FGF12: variants seen among roughly 807,000 people sequenced by gnomAD.
FGF12 encodes the protein fibroblast growth factor 12.
A neutral mutation model predicts 23.6 loss-of-function variants in FGF12; 14 were observed. The observed-to-expected ratio is 0.59, with a 90% CI of 0.39 to 0.93. The LOEUF is 0.93. FGF12 is among the 40% of genes least tolerant of loss of function. The pLI, the probability that FGF12 is intolerant of heterozygous loss-of-function variation, is 0.00. For missense variants in FGF12, 175 were observed against 217.8 expected (o/e 0.80, Z 1.24); for synonymous variants, 62 against 77.3 (o/e 0.80, Z 1.04).
At chr3:192,219,376 C>A (rs772380225) in intron 4 of FGF12, among the ~76,000 whole-genome samples, 2 of 151,650 alleles carry the variant, frequency 1.3e-5, no homozygotes, top group East Asian at 2.0e-4. Flanking sequence ...TGAGCCACTG[C>A]GCCAGGTCAT....
intron 4 of FGF12, among the ~76,000 whole-genome samples, chr3:192,171,354 T>A (rs975862381): frequency 3.3e-5 from 5 of 151,982 alleles, no homozygotes; most frequent in Admixed American, 6.5e-5. Context: ...ATCCTGTACT[T>A]CAACTCCAGC....
At chr3:192,361,399 A>G (rs1718721311) in intron 2 of FGF12, among the ~76,000 whole-genome samples, 1 of 152,076 alleles carries the variant, frequency 6.6e-6, no homozygotes, top group Non-Finnish European at 1.5e-5. Flanking sequence ...TTTTGTCTCT[A>G]TTGTTGAGCA....
chr3:192,619,152 T>A (rs1490489839), intron 2 of FGF12, among the ~76,000 whole-genome samples: 1 of 152,016 alleles, frequency 6.6e-6, no homozygotes, highest in African/African-American at 2.4e-5. Context: ...AGCATGTTAT[T>A]AGATTTTTTA....
intron 2 of FGF12, chr3:192,521,197 G>C (rs1653941081): frequency 6.6e-6 from 1 of 152,140 alleles, no homozygotes; most frequent in Non-Finnish European, 1.5e-5. Context: ...ATGTCAGTGT[G>C]ATTGTAATGT....
intron 2 of FGF12, among the ~76,000 whole-genome samples, chr3:192,681,717 C>A (rs1338738636): frequency 1.3e-5 from 2 of 151,668 alleles, no homozygotes; most frequent in East Asian, 3.9e-4. Flanking sequence ...AAGGAAATAT[C>A]TTTATTCTTG....
intron 4 of FGF12, among the ~76,000 whole-genome samples, chr3:192,174,070 G>A (rs117648584): frequency 7.9e-5 from 12 of 152,274 alleles, no homozygotes; most frequent in South Asian, 6.2e-4. Flanking sequence ...TACTGCATAC[G>A]CAATCCTGCT....
chr3:192,305,837 C>T (rs116527313), intron 4 of FGF12, among the ~76,000 whole-genome samples: 2,735 of 145,792 alleles, frequency 0.019, 52 homozygotes, highest in Non-Finnish European at 0.029. Context: ...AATGACACTG[C>T]TCAATCCATC....
intron 2 of FGF12, among the ~76,000 whole-genome samples, chr3:192,391,664 A>T (rs1052814615): frequency 1.1e-4 from 17 of 152,230 alleles, no homozygotes; most frequent in Admixed American, 2.6e-4. Context: ...CCTATATGAA[A>T]TACAGTTTCA....
intron 2 of FGF12, among the ~76,000 whole-genome samples, chr3:192,598,569 C>T (rs1713963318): frequency 6.6e-6 from 1 of 152,142 alleles, no homozygotes; most frequent in South Asian, 2.1e-4. Flanking sequence ...TTCTCAAACA[C>T]ACATATCTCA....
At chr3:192,601,104 A>G (rs1300760134) in intron 2 of FGF12, among the ~76,000 whole-genome samples, 1 of 152,178 alleles carries the variant, frequency 6.6e-6, no homozygotes, top group African/African-American at 2.4e-5. Context: ...ACACAACGAA[A>G]TACCATTCAG....
At chr3:192,283,522 A>G (rs1486918133) in intron 4 of FGF12, among the ~76,000 whole-genome samples, 1 of 152,088 alleles carries the variant, frequency 6.6e-6, no homozygotes, top group Non-Finnish European at 1.5e-5. Flanking sequence ...ATAGGATTTC[A>G]GTTTTTAGGA....
At chr3:192,261,010 C>T (rs141065181) in intron 4 of FGF12, among the ~76,000 whole-genome samples, 78 of 152,068 alleles carry the variant, frequency 5.1e-4, no homozygotes, top group East Asian at 4.7e-3. Flanking sequence ...GGAGTCACTT[C>T]GGATAAGCTA....
chr3:192,604,774 G>C (rs1322445887), intron 2 of FGF12, among the ~76,000 whole-genome samples: 2 of 152,110 alleles, frequency 1.3e-5, no homozygotes, highest in African/African-American at 4.8e-5. Flanking sequence ...AAAGAACAAA[G>C]CCAGAGGAAT....
In FGF12 at chr3:192,316,561, C is replaced by T. The variant is rs187759249; in HGVS notation, c.228+18800G>A. On this transcript the variant is annotated intron_variant, in intron 4 of 5. Transcript: ENST00000445105. ...AACTTGCCGGTGCCCAGATAGGGGG[C>T]ACCTAGACCAGCCCTAGCCAGAGGT... 3.3e-5 allele frequency among the ~76,000 whole-genome samples: 5 copies of T among 152,288 alleles called. No individual in the cohort carries two copies. In the South Asian group the frequency reaches 1.0e-3, roughly 32 times the overall value.
intron 4 of FGF12, among the ~76,000 whole-genome samples, chr3:192,297,142 G>A (rs1249539955): frequency 6.6e-6 from 1 of 152,118 alleles, no homozygotes; most frequent in East Asian, 1.9e-4. Flanking sequence ...AGGTATGTCT[G>A]CTCAAAAAAA....
intron 2 of FGF12, among the ~76,000 whole-genome samples, chr3:192,548,060 A>T (rs550926279): frequency 1.3e-5 from 2 of 152,184 alleles, no homozygotes; most frequent in African/African-American, 4.8e-5. Context: ...CTTTCTTAGC[A>T]TACTTCAAAA....
intron 4 of FGF12, among the ~76,000 whole-genome samples, chr3:192,292,845 T>C (rs1577325874): frequency 6.6e-6 from 1 of 152,318 alleles, no homozygotes; most frequent in East Asian, 1.9e-4. Flanking sequence ...GGTATGATCA[T>C]GGCTCACTAC....
intron 2 of FGF12, among the ~76,000 whole-genome samples, chr3:192,511,034 A>G (rs933391488): frequency 1.3e-5 from 2 of 152,138 alleles, no homozygotes; most frequent in Non-Finnish European, 2.9e-5. Flanking sequence ...CAGTGTTTCA[A>G]TTCCACATCA....
intron 4 of FGF12, among the ~76,000 whole-genome samples, chr3:192,331,311 C>CAAAAA (rs201997868): frequency 8.6e-4 from 82 of 95,896 alleles, no homozygotes; most frequent in Non-Finnish European, 1.2e-3. Context: ...GGAGTTTTCT[C>CAAAAA]AAAAAAAAAA....
Sources: allele counts gnomAD v4.1 joint callset (sites outside exome capture counted in the v4.1 genomes callset), GRCh38; gene constraint gnomAD v4.1.1; transcripts MANE v1.5; gene names NCBI Gene and HGNC (gene_info 2026-07-23, HGNC 2026-07-21).